EFHD1: variants seen among roughly 807,000 people sequenced by gnomAD.
EFHD1 encodes EF-hand domain family member D1, also known as EF-hand domain-containing protein D1.
Under a neutral mutation model 17.2 loss-of-function variants are expected in EFHD1, and 10 were observed. The observed-to-expected ratio is 0.58, with a 90% CI of 0.36 to 0.99. The LOEUF is 0.99. Among genes scored for constraint, EFHD1 ranks in the 50% least tolerant of loss-of-function variants. EFHD1 has a pLI of 0.01. For synonymous variants in EFHD1, 153 were observed against 142.0 expected, an observed-to-expected ratio of 1.08 and a Z score of -0.55; for missense variants, 310 against 327.5, an observed-to-expected ratio of 0.95 and a Z score of 0.41.
chr2:232,676,398 C>CT (rs890592506), intron 3 of EFHD1, among the ~76,000 whole-genome samples: 1 of 152,136 alleles, frequency 6.6e-6, no homozygotes, highest in Admixed American at 6.6e-5. Flanking sequence ...TAGGGAATGT[C>CT]TTTTTTTCCG....
intron 1 of EFHD1, among the ~76,000 whole-genome samples, chr2:232,654,236 T>C (rs2106206118): frequency 6.6e-6 from 1 of 150,478 alleles, no homozygotes; most frequent in Admixed American, 6.6e-5. Context: ...AAGAAAGAAG[T>C]TGGAATTCCT....
At chr2:232,624,746 T>TCC (rs1559339403) in intron 1 of EFHD1, among the ~76,000 whole-genome samples, 1 of 152,202 alleles carries the variant, frequency 6.6e-6, no homozygotes, top group African/African-American at 2.4e-5. Context: ...TTGAGGGCTA[T>TCC]CTAGAAACAT....
At chr2:232,632,417 C>T (rs13427580), upstream of EFHD1, among the ~76,000 whole-genome samples, 41,207 of 152,128 alleles carry the variant, frequency 0.27, 7,175 homozygotes, top group Middle Eastern at 0.41. Context: ...GTCATCAGCC[C>T]ATGGTGGGTC....
intron 1 of EFHD1, among the ~76,000 whole-genome samples, chr2:232,611,137 T>C (rs1013070757): frequency 4.6e-5 from 7 of 152,232 alleles, no homozygotes; most frequent in African/African-American, 1.7e-4. Flanking sequence ...ATGATTGTAT[T>C]ACTGCATTCT....
At chr2:232,661,557 C>T (rs1263930911) in intron 1 of EFHD1, 3 of 146,898 alleles carry the variant, frequency 2.0e-5, no homozygotes, top group Non-Finnish European at 2.9e-5. Context: ...GCTATACCCC[C>T]ACCACCACCC....
rs370635303 is a variant in EFHD1 at position 232,667,638 on chromosome 2, C to T, written c.451-4671C>T. Among the ~76,000 whole-genome samples the T allele has an allele frequency of 5.9e-5, 9 of 152,082 alleles. No homozygotes were observed. In the East Asian group the frequency reaches 1.2e-3, roughly 20 times the overall value. On this transcript the variant is annotated intron_variant, in intron 2 of 3. Coordinates refer to ENST00000264059, the MANE Select transcript of EFHD1 (RefSeq NM_025202.4). ...TGCAATCTCACCTCACTGCAACCTCCGCCTCCCGGGTTCAAACGATTCTCC... is the reference window on the plus strand; with the variant it reads ...TGCAATCTCACCTCACTGCAACCTCTGCCTCCCGGGTTCAAACGATTCTCC...
At chr2:232,646,589 C>T (rs1337789502) in intron 1 of EFHD1, among the ~76,000 whole-genome samples, 1 of 151,980 alleles carries the variant, frequency 6.6e-6, no homozygotes, top group Non-Finnish European at 1.5e-5. Context: ...AGATTACAGG[C>T]ATGCGCCACC....
chr2:232,607,354 G>T (rs918014017), intron 1 of EFHD1, among the ~76,000 whole-genome samples: 2 of 151,748 alleles, frequency 1.3e-5, no homozygotes, highest in Non-Finnish European at 2.9e-5. Context: ...GGGGGGCCGA[G>T]GCGGGTGGGG....
intron 1 of EFHD1, among the ~76,000 whole-genome samples, chr2:232,624,583 G>A (rs558358178): frequency 9.8e-5 from 15 of 152,374 alleles, no homozygotes; most frequent in African/African-American, 3.4e-4. Flanking sequence ...GAGATGGGGA[G>A]AACCGCATTT....
upstream of EFHD1, among the ~76,000 whole-genome samples, chr2:232,631,691 T>TAAA (rs34689384): frequency 0.065 from 7,450 of 114,610 alleles, 271 homozygotes; most frequent in African/African-American, 0.12. Context: ...ATAAGAACAT[T>TAAA]AAAAAAAAAA....
intron 1 of EFHD1, among the ~76,000 whole-genome samples, chr2:232,626,494 G>T (rs1362085655): frequency 1.3e-5 from 2 of 152,188 alleles, no homozygotes; most frequent in Non-Finnish European, 2.9e-5. Flanking sequence ...GTTGCAGTGA[G>T]CCAATATTGA....
At position 232,654,269 on chromosome 2, in the gene EFHD1, A is replaced by G. The variant is rs552137014; in HGVS notation, c.303-8533A>G. 7.2e-5 allele frequency among the ~76,000 whole-genome samples: 11 copies of G among 151,826 alleles called. No individual in the cohort carries two copies. The South Asian group carries it at 1.7e-3, about 23-fold the overall frequency. On this transcript the variant is annotated intron_variant, in intron 1 of 3. Transcript: ENST00000264059. ...CCTTCAATATTTCCTAAGCTTGCCA[A>G]GGTCTTTTCTGACATATTTGACCTT... is the stretch of plus-strand genomic sequence containing the variant.
intron 3 of EFHD1, among the ~76,000 whole-genome samples, chr2:232,677,455 C>T (rs1281315143): frequency 2.0e-5 from 3 of 151,616 alleles, no homozygotes; most frequent in Non-Finnish European, 2.9e-5. Flanking sequence ...TGCAGTGGCT[C>T]ATGCCTATAA....
At chr2:232,623,471 C>T (rs538462309) in intron 1 of EFHD1, among the ~76,000 whole-genome samples, 22 of 151,822 alleles carry the variant, frequency 1.4e-4, no homozygotes, top group Non-Finnish European at 2.8e-4. Context: ...GCCAGGAGTT[C>T]GAGACCAGCC....
intron 1 of EFHD1, chr2:232,638,283 A>G (rs911143003): frequency 2.1e-5 from 10 of 466,412 alleles, no homozygotes; most frequent in African/African-American, 8.0e-5. Flanking sequence ...CAGGACCCCA[A>G]TGCAACATCT....
chr2:232,681,917 G>A lies in EFHD1; in HGVS notation c.*198G>A. On this transcript the variant is annotated 3_prime_UTR_variant, in exon 4 of 4. Coordinates refer to ENST00000264059, the MANE Select transcript of EFHD1 (RefSeq NM_025202.4). ...AGGAGGGTCCTGGGGTGGGCCAGATGCCTGCCCACCTCTGTCTCCTGCCTC... is the reference window on the plus strand; with the variant it reads ...AGGAGGGTCCTGGGGTGGGCCAGATACCTGCCCACCTCTGTCTCCTGCCTC... 1 of 708,936 alleles carries A rather than the reference G, an allele frequency of 1.4e-6. No homozygotes were observed. The highest frequency in any genetic ancestry group is 2.2e-6 in the Non-Finnish European group (1 of 457,776). The allele number at this position is 708,936 out of a possible 1,614,324, so 43.9% of individuals were successfully genotyped here.
intron 1 of EFHD1, among the ~76,000 whole-genome samples, chr2:232,613,653 C>CAT (rs1693850813): frequency 2.9e-5 from 4 of 137,790 alleles, no homozygotes; most frequent in Admixed American, 1.4e-4. Context: ...CATACACACA[C>CAT]ACACAAATAC....
chr2:232,652,517 T>C (rs1694676957), intron 1 of EFHD1, among the ~76,000 whole-genome samples: 1 of 152,116 alleles, frequency 6.6e-6, no homozygotes, highest in African/African-American at 2.4e-5. Context: ...GAAGCGGGGC[T>C]ACTAATAACC....
intron 2 of EFHD1, among the ~76,000 whole-genome samples, chr2:232,670,675 A>C (rs979792905): frequency 3.9e-5 from 6 of 152,108 alleles, no homozygotes; most frequent in Non-Finnish European, 7.3e-5. Context: ...AAAAAAAAGA[A>C]GCCATAAAAG....
Sources: gnomAD v4.1 joint callset for allele counts (sites outside exome capture counted in the v4.1 genomes callset) on GRCh38, gnomAD v4.1.1 for gene constraint, MANE v1.5 for transcripts, NCBI Gene and HGNC (gene_info 2026-07-23, HGNC 2026-07-21) for gene names.